Variants in PPP4R3B observed in about 807,000 individuals in gnomAD.
The protein encoded by PPP4R3B is protein phosphatase 4 regulatory subunit 3B, also known as serine/threonine-protein phosphatase 4 regulatory subunit 3B.
A neutral mutation model predicts 95.4 loss-of-function variants in PPP4R3B; 52 were observed. The observed-to-expected ratio is 0.54, with a 90% CI of 0.44 to 0.69. The LOEUF (loss-of-function observed/expected upper bound fraction) is 0.69, where lower values mean the gene tolerates loss of function less well. PPP4R3B is among the 30% of genes least tolerant of loss of function. The probability of loss-of-function intolerance (pLI) is 0.00; values close to 1 mark genes in which losing one functional copy is unlikely to be tolerated. For synonymous variants in PPP4R3B, 407 were observed against 343.9 expected (o/e 1.18, Z -2.03); for missense variants, 1,003 against 1,005.9 (o/e 1.00, Z 0.04).
intron 2 of PPP4R3B, 72 bp from the exon 3 acceptor site, chr2:55,604,148 A>G (rs1004634522): frequency 5.9e-6 from 7 of 1,188,698 alleles, no homozygotes; most frequent in Non-Finnish European, 8.3e-6. Flanking sequence ...ATAGAAATCA[A>G]GAGGACTGGA....
chr2:55,577,523 T>C (rs533389290), intron 10 of PPP4R3B, among the ~76,000 whole-genome samples, 167 bp from the exon 11 acceptor site: 13 of 152,214 alleles, frequency 8.5e-5, no homozygotes, highest in African/African-American at 2.9e-4. Flanking sequence ...ATATCTGCAA[T>C]CTTTTACAAA....
chr2:55,606,566 A>T (rs1472174847), intron 2 of PPP4R3B, among the ~76,000 whole-genome samples: 3 of 152,062 alleles, frequency 2.0e-5, no homozygotes, highest in Non-Finnish European at 4.4e-5. Context: ...TCACACCTGT[A>T]ATCCCAGCAC....
At chr2:55,557,005 G>C (rs1476392222) in intron 16 of PPP4R3B, among the ~76,000 whole-genome samples, 1 of 152,214 alleles carries the variant, frequency 6.6e-6, no homozygotes, top group African/African-American at 2.4e-5. Context: ...GGCGGAGGCA[G>C]TGAGCTGTGA....
chr2:55,580,141 C>G (rs1052420265), intron 8 of PPP4R3B, among the ~76,000 whole-genome samples: 1 of 151,934 alleles, frequency 6.6e-6, no homozygotes, highest in Non-Finnish European at 1.5e-5. Context: ...GCCTGTGATA[C>G]GAATATGAAA....
chr2:55,558,516 G>A (rs571147780), intron 16 of PPP4R3B, among the ~76,000 whole-genome samples: 1 of 152,098 alleles, frequency 6.6e-6, no homozygotes, highest in Non-Finnish European at 1.5e-5. Context: ...ACTGAGGCAG[G>A]AGAACTGCTT....
intron 16 of PPP4R3B, among the ~76,000 whole-genome samples, chr2:55,552,416 AAG>A (rs1253286140): frequency 6.6e-6 from 1 of 152,122 alleles, no homozygotes; most frequent in African/African-American, 2.4e-5. Flanking sequence ...TATATTTTTT[AAG>A]AGTCTTGCTC....
Position 55,573,597 on chromosome 2 carries a change from CCT to C in PPP4R3B, c.1765+20_1765+21del. Reference sequence around the variant, plus strand: ...TTTTATCTCTATTAAAAATGTTGCTCCTTAAAACATTTTATACTTACACAAGG... The same window carrying C: ...TTTTATCTCTATTAAAAATGTTGCTCTAAAACATTTTATACTTACACAAGG... On this transcript the variant is annotated intron_variant, in intron 12 of 16. Transcript: ENST00000616407. 6.6e-7 allele frequency: 1 copy of C among 1,520,684 alleles called. No individual in the cohort carries two copies. The allele number at this position is 1,520,684 out of a possible 1,614,324, so 94.2% of individuals were successfully genotyped here.
intron 13 of PPP4R3B, chr2:55,565,702 T>C (rs1455750816): frequency 5.7e-5 from 12 of 210,794 alleles, no homozygotes; most frequent in Non-Finnish European, 1.1e-4. Flanking sequence ...AAATGGGATA[T>C]GGTTGTGGTG....
chr2:55,594,063 G>A (rs1341278932), intron 4 of PPP4R3B, among the ~76,000 whole-genome samples: 3 of 152,150 alleles, frequency 2.0e-5, no homozygotes, highest in Non-Finnish European at 4.4e-5. Context: ...CTCAGAGGCA[G>A]AAAATCATAT....
intron 4 of PPP4R3B, among the ~76,000 whole-genome samples, chr2:55,594,469 G>A (rs1338048692): frequency 6.6e-6 from 1 of 152,058 alleles, no homozygotes; most frequent in African/African-American, 2.4e-5. Flanking sequence ...AGCTGCACTT[G>A]ATTTACGTAA....
intron 5 of PPP4R3B, among the ~76,000 whole-genome samples, chr2:55,587,300 C>G (rs915692466): frequency 6.6e-6 from 1 of 152,220 alleles, no homozygotes; most frequent in African/African-American, 2.4e-5. Context: ...ATGATGACAT[C>G]TGGCGGGGCA....
chr2:55,591,067 T>C (rs1040749594), intron 4 of PPP4R3B, among the ~76,000 whole-genome samples: 2 of 152,196 alleles, frequency 1.3e-5, no homozygotes, highest in Non-Finnish European at 2.9e-5. Context: ...CCTTATGCAC[T>C]GCAGCCTGAA....
In PPP4R3B at chr2:55,598,687, T is replaced by C; in HGVS notation, c.650A>G (p.Glu217Gly). The change falls in exon 4 of 17, where the codon GAG becomes GGG. Residue 217 changes from glutamate (E) to glycine (G), a missense_variant. Transcript: ENST00000616407. ...GCATCCCACGACATCCATGATACACTCATCAGAAAACATTACCTCAAAAAG... is the reference window on the plus strand; with the variant it reads ...GCATCCCACGACATCCATGATACACCCATCAGAAAACATTACCTCAAAAAG... ...ATLFEVMFSD[E>G]CIMDVVGCLE... 6.2e-7 allele frequency: 1 copy of C among 1,614,206 alleles called. No individual in the cohort carries two copies. Among genetic ancestry groups the C allele is most frequent in the Non-Finnish European group, 8.5e-7 (1 of 1,180,038 alleles).
chr2:55,579,615 T>C (rs939284576), intron 9 of PPP4R3B, 64 bp downstream of exon 9: 3 of 1,187,526 alleles, frequency 2.5e-6, no homozygotes, highest in African/African-American at 1.6e-5. Context: ...TGCCTGTTAG[T>C]TTAATATTTA....
intron 8 of PPP4R3B, among the ~76,000 whole-genome samples, chr2:55,580,506 C>T (rs1574787494): frequency 1.3e-5 from 2 of 152,234 alleles, no homozygotes; most frequent in East Asian, 3.9e-4. Context: ...ACCAATTAAG[C>T]CCATGTGATA....
At chr2:55,550,933 T>G (rs1200908486) in intron 16 of PPP4R3B, among the ~76,000 whole-genome samples, 1 of 152,172 alleles carries the variant, frequency 6.6e-6, no homozygotes, top group Non-Finnish European at 1.5e-5. Flanking sequence ...GTTTCTCAAC[T>G]TAATCACACA....
In PPP4R3B at chr2:55,548,689, T is replaced by G. The variant is rs1684948278; in HGVS notation, c.*1222A>C. On this transcript the variant is annotated 3_prime_UTR_variant, in exon 17 of 17. Coordinates refer to ENST00000616407, the MANE Select transcript of PPP4R3B (RefSeq NM_001122964.3). ...ATTGTGGCTGGAATTACTGTTAAAG[T>G]TTTTTTTTCCCAATGCATTAAATTG... The G allele has an allele frequency of 6.6e-6, 1 of 151,786 alleles. No homozygotes were observed. Among genetic ancestry groups the G allele is most frequent in the African/African-American group, 2.4e-5 (1 of 41,084 alleles). 9.4% of individuals were successfully genotyped at this position (151,786 alleles called of 1,614,324 possible). A position where few individuals can be genotyped will look rare whatever the true frequency, so the allele number is the denominator to read the frequency against.
Position 55,573,667 on chromosome 2 carries a change from T to G in PPP4R3B, c.1717A>C (p.Arg573=). Residue 573 remains arginine (R), a synonymous_variant, in exon 12 of 17, where the codon AGA becomes CGA. Transcript: ENST00000616407. The stretch of plus-strand genomic sequence containing the variant: ...GAATTCATCAAGACCAAGACTCTTC[T>G]TAGCAAGTCCTTGTTCATAATATAG... ...KNYIMNKDLL[R]RVLVLMNSKH... is the part of the protein sequence containing the mutation. 14 of 1,546,010 alleles carry G rather than the reference T, an allele frequency of 9.1e-6. No homozygotes were observed. Among genetic ancestry groups the G allele is most frequent in the Non-Finnish European group, 1.1e-5 (13 of 1,145,386 alleles).
At chr2:55,568,024 C>T (rs1687528197) in intron 13 of PPP4R3B, 170 bp downstream of exon 13, 1 of 386,892 alleles carries the variant, frequency 2.6e-6, no homozygotes, top group Non-Finnish European at 4.4e-6. Context: ...AATTAAAAAG[C>T]TACTGATTTT....
Sources: gnomAD v4.1 joint callset for allele counts (sites outside exome capture counted in the v4.1 genomes callset) on GRCh38, gnomAD v4.1.1 for gene constraint, MANE v1.5 for transcripts, NCBI Gene and HGNC (gene_info 2026-07-23, HGNC 2026-07-21) for gene names.